Variants in MRPL3 observed in about 807,000 individuals in gnomAD.
The protein encoded by MRPL3 is mitochondrial ribosomal protein L3, also known as large ribosomal subunit protein uL3m.
Under a neutral mutation model 44.3 loss-of-function variants are expected in MRPL3, and 43 were observed. The observed-to-expected ratio is 0.97, with a 90% CI of 0.76 to 1.25. The LOEUF (loss-of-function observed/expected upper bound fraction) is 1.25, where lower values mean the gene tolerates loss of function less well. Ranked by LOEUF, MRPL3 falls within the 50% of genes most tolerant of loss-of-function variation. The probability of loss-of-function intolerance (pLI) is 0.00; values close to 1 mark genes in which losing one functional copy is unlikely to be tolerated. For missense variants in MRPL3, 406 were observed against 427.6 expected, an observed-to-expected ratio of 0.95 and a Z score of 0.45; for synonymous variants, 171 against 152.3, an observed-to-expected ratio of 1.12 and a Z score of -0.91.
At chr3:131,485,358 G>A (rs55842720) in intron 6 of MRPL3, among the ~76,000 whole-genome samples, 8,965 of 152,174 alleles carry the variant, frequency 0.059, 904 homozygotes, top group African/African-American at 0.2. Context: ...CTGACTTTGC[G>A]TGGTTTCTTA....
rs114673848 is a variant in MRPL3 at position 131,484,120 on chromosome 3, T to G, written c.629+3560A>C. 3.2e-3 allele frequency among the ~76,000 whole-genome samples: 481 copies of G among 152,250 alleles called. 4 individuals carry two copies. The highest frequency in any genetic ancestry group is 0.011 in the African/African-American group (440 of 41,538). On this transcript the variant is annotated intron_variant, in intron 6 of 9. Transcript: ENST00000264995. ...AACTTGCTTGCTTTTAAACAGATGT[T>G]TGTATGTTATAATTCAAGCAGAGTT...
intron 5 of MRPL3, among the ~76,000 whole-genome samples, 179 bp downstream of exon 5, chr3:131,489,802 A>C (rs1183863358): frequency 5.3e-5 from 8 of 151,476 alleles, no homozygotes; most frequent in Non-Finnish European, 1.2e-4. Context: ...GAAAGCAAAG[A>C]GTTATCTACA....
intron 2 of MRPL3, 99 bp from the exon 3 acceptor site, chr3:131,500,620 C>A: frequency 1.1e-6 from 1 of 898,292 alleles, no homozygotes; most frequent in Non-Finnish European, 1.8e-6. Context: ...GTATGAGGAG[C>A]AGGCACGTAA....
intron 4 of MRPL3, among the ~76,000 whole-genome samples, chr3:131,495,804 C>T (rs1247645121): frequency 6.6e-6 from 1 of 152,002 alleles, no homozygotes; most frequent in African/African-American, 2.4e-5. Flanking sequence ...TTTCTCCAAA[C>T]TTGTTTTTTC....
intron 6 of MRPL3, among the ~76,000 whole-genome samples, chr3:131,474,446 T>G (rs74809119): frequency 0.012 from 1,760 of 152,178 alleles, 52 homozygotes; most frequent in African/African-American, 0.04. Flanking sequence ...AATAGGTAGA[T>G]AGAAGGAATA....
chr3:131,473,161 A>T (rs891009275), intron 6 of MRPL3, among the ~76,000 whole-genome samples: 2 of 152,186 alleles, frequency 1.3e-5, no homozygotes, highest in Admixed American at 1.3e-4. Flanking sequence ...ACTTCAAAAC[A>T]TACTACACAA....
At chr3:131,466,307 T>A (rs1933599498) in intron 9 of MRPL3, among the ~76,000 whole-genome samples, 1 of 152,044 alleles carries the variant, frequency 6.6e-6, no homozygotes, top group Non-Finnish European at 1.5e-5. Context: ...CAATGAAGAG[T>A]ATACTCTGGA....
intron 6 of MRPL3, among the ~76,000 whole-genome samples, chr3:131,484,455 C>T (rs1328158959): frequency 6.6e-6 from 1 of 152,248 alleles, no homozygotes; most frequent in African/African-American, 2.4e-5. Context: ...TTCATCACTC[C>T]CTTAACCATG....
At chr3:131,473,712 TA>T (rs954157129) in intron 6 of MRPL3, among the ~76,000 whole-genome samples, 7 of 149,624 alleles carry the variant, frequency 4.7e-5, no homozygotes, top group South Asian at 2.1e-4. Context: ...CTCAAACAAC[TA>T]AAAAAAAACC....
intron 4 of MRPL3, among the ~76,000 whole-genome samples, chr3:131,493,449 T>C (rs374821004): frequency 2.0e-5 from 3 of 152,240 alleles, no homozygotes; most frequent in East Asian, 1.9e-4. Flanking sequence ...TACTCAAATG[T>C]TGGTCAGCAT....
At chr3:131,494,359 C>A (rs553888539) in intron 4 of MRPL3, among the ~76,000 whole-genome samples, 1 of 152,322 alleles carries the variant, frequency 6.6e-6, no homozygotes, top group East Asian at 1.9e-4. Flanking sequence ...ACTTCTGCAA[C>A]AAGAGCAAAC....
At chr3:131,481,477 T>G (rs1433591859) in intron 6 of MRPL3, among the ~76,000 whole-genome samples, 2 of 152,234 alleles carry the variant, frequency 1.3e-5, no homozygotes, top group Non-Finnish European at 2.9e-5. Context: ...CATTTACAAT[T>G]ATTCTTATGT....
intron 5 of MRPL3, among the ~76,000 whole-genome samples, chr3:131,488,984 C>A (rs1456046177): frequency 6.6e-6 from 1 of 151,848 alleles, no homozygotes; most frequent in Non-Finnish European, 1.5e-5. Context: ...CCATTTTTGA[C>A]CCCAAAAACA....
chr3:131,495,882 CA>C (rs879753857), intron 4 of MRPL3, among the ~76,000 whole-genome samples: 1 of 152,116 alleles, frequency 6.6e-6, no homozygotes, highest in African/African-American at 2.4e-5. Context: ...CAGAGACCAT[CA>C]AGTACTATTC....
chr3:131,470,669 T>G (rs1236876962), intron 7 of MRPL3, among the ~76,000 whole-genome samples: 3 of 152,070 alleles, frequency 2.0e-5, no homozygotes, highest in South Asian at 2.1e-4. Context: ...TTTTTCCTTG[T>G]GTGCATGCAT....
At chr3:131,493,167 T>C (rs1934295521) in intron 4 of MRPL3, among the ~76,000 whole-genome samples, 3 of 152,196 alleles carry the variant, frequency 2.0e-5, no homozygotes, top group Admixed American at 6.5e-5. Context: ...ACTCTCTTCA[T>C]CTGTGATCTC....
intron 9 of MRPL3, 91 bp downstream of exon 9, chr3:131,468,000 T>C (rs1054624367): frequency 1.5e-6 from 1 of 668,794 alleles, no homozygotes; most frequent in Admixed American, 3.3e-5. Context: ...TCCACATATA[T>C]AAACAATAGA....
chr3:131,483,827 G>C (rs911992269), intron 6 of MRPL3, among the ~76,000 whole-genome samples: 2 of 152,006 alleles, frequency 1.3e-5, no homozygotes, highest in African/African-American at 4.8e-5. Context: ...AATTTTCTTA[G>C]TTATTTCTAA....
chr3:131,466,256 G>C (rs1256140801), intron 9 of MRPL3, among the ~76,000 whole-genome samples: 1 of 152,018 alleles, frequency 6.6e-6, no homozygotes, highest in Admixed American at 6.6e-5. Context: ...AAAATCAGAG[G>C]ATTAAGTTTC....
Sources: gnomAD v4.1 joint callset for allele counts (sites outside exome capture counted in the v4.1 genomes callset) on GRCh38, gnomAD v4.1.1 for gene constraint, MANE v1.5 for transcripts, NCBI Gene and HGNC (gene_info 2026-07-23, HGNC 2026-07-21) for gene names.